Variants in NAALADL2 observed in about 807,000 individuals in gnomAD.
NAALADL2 encodes the protein inactive N-acetylated-alpha-linked acidic dipeptidase-like protein 2.
NAALADL2 carries 76 observed loss-of-function variants against 87.2 expected under a neutral mutation model. The observed-to-expected ratio is 0.87, with a 90% CI of 0.72 to 1.05. The LOEUF (loss-of-function observed/expected upper bound fraction) is 1.05, where lower values mean the gene tolerates loss of function less well. Ranked by LOEUF, NAALADL2 falls within the 50% of genes least tolerant of loss-of-function variation. NAALADL2 has a pLI of 0.00. For synonymous variants in NAALADL2, 354 were observed against 331.0 expected, an observed-to-expected ratio of 1.07 and a Z score of -0.75; for missense variants, 1,089 against 945.8, an observed-to-expected ratio of 1.15 and a Z score of -1.99.
At chr3:175,749,026 G>T (rs1464287521) in intron 12 of NAALADL2, among the ~76,000 whole-genome samples, 1 of 150,848 alleles carries the variant, frequency 6.6e-6, no homozygotes, top group Non-Finnish European at 1.5e-5. Context: ...AGGATCTCTT[G>T]AGCTCAGGAG....
At chr3:175,681,918 A>G (rs980391988) in intron 11 of NAALADL2, among the ~76,000 whole-genome samples, 4 of 152,156 alleles carry the variant, frequency 2.6e-5, no homozygotes, top group Non-Finnish European at 4.4e-5. Context: ...ACCTGTAACT[A>G]TAGTCTAAAT....
At chr3:174,578,980 C>T (rs1426205012) in intron 2 of NAALADL2, among the ~76,000 whole-genome samples, 3 of 151,804 alleles carry the variant, frequency 2.0e-5, no homozygotes, top group Non-Finnish European at 4.4e-5. Context: ...TTGTACATTT[C>T]ACAAAGAAAA....
chr3:174,936,990 T>C (rs9872009), intron 1 of NAALADL2, among the ~76,000 whole-genome samples: 53,452 of 151,874 alleles, frequency 0.35, 10,796 homozygotes, highest in African/African-American at 0.54. Context: ...TAGTGTCCTT[T>C]ACCTATAACT....
intron 5 of NAALADL2, among the ~76,000 whole-genome samples, chr3:175,329,234 T>C (rs1455182434): frequency 6.6e-6 from 1 of 152,226 alleles, no homozygotes; most frequent in East Asian, 1.9e-4. Context: ...CAATCCTTTT[T>C]TTCCTTTTTA....
intron 5 of NAALADL2, among the ~76,000 whole-genome samples, chr3:175,411,027 C>A (rs186041250): frequency 1.3e-5 from 2 of 152,074 alleles, no homozygotes; most frequent in Admixed American, 1.3e-4. Flanking sequence ...GACCATTAGA[C>A]GGGCAAAAGA....
rs554233126 is a variant in NAALADL2 at position 175,411,685 on chromosome 3, G to A, written c.1091-35544G>A. Among the ~76,000 whole-genome samples the A allele has an allele frequency of 7.9e-5, 12 of 152,242 alleles. No homozygotes were observed. In the South Asian group the frequency reaches 2.5e-3, roughly 32 times the overall value. Reference sequence around the variant, plus strand: ...TGGATGAACGGGGCAGAATATGACTGTGTCCATTTGAAATCCAGTCAGTCA... The same window carrying A: ...TGGATGAACGGGGCAGAATATGACTATGTCCATTTGAAATCCAGTCAGTCA... On this transcript the variant is annotated intron_variant, in intron 5 of 13. Coordinates refer to ENST00000454872, the MANE Select transcript of NAALADL2 (RefSeq NM_207015.3).
intron 9 of NAALADL2, among the ~76,000 whole-genome samples, chr3:175,511,557 C>T (rs142135981): frequency 4.6e-5 from 7 of 152,308 alleles, no homozygotes; most frequent in Non-Finnish European, 7.3e-5. Context: ...GACGACTAGT[C>T]TCCAAAACTG....
intron 3 of NAALADL2, among the ~76,000 whole-genome samples, chr3:174,817,849 C>T (rs941851513): frequency 1.3e-5 from 2 of 152,196 alleles, no homozygotes; most frequent in South Asian, 2.1e-4. Context: ...CTAGCTCACA[C>T]GTTTATCTTT....
At chr3:174,921,152 T>A (rs1379538865) in intron 1 of NAALADL2, among the ~76,000 whole-genome samples, 4 of 152,158 alleles carry the variant, frequency 2.6e-5, no homozygotes. Context: ...TGGAAAAAAA[T>A]GGCACTGATA....
At chr3:174,812,541 T>G (rs930009730) in intron 3 of NAALADL2, among the ~76,000 whole-genome samples, 7 of 152,212 alleles carry the variant, frequency 4.6e-5, no homozygotes, top group Non-Finnish European at 7.3e-5. Flanking sequence ...AGCGTATACT[T>G]CTTCTACTTA....
intron 13 of NAALADL2, among the ~76,000 whole-genome samples, chr3:175,802,797 TTC>T (rs1187344411): frequency 1.3e-5 from 2 of 152,034 alleles, no homozygotes; most frequent in Non-Finnish European, 2.9e-5. Context: ...TTCTGATCAT[TTC>T]TCTCTTTCTC....
intron 5 of NAALADL2, among the ~76,000 whole-genome samples, chr3:175,337,932 C>T (rs911631965): frequency 2.6e-5 from 4 of 152,124 alleles, no homozygotes; most frequent in Admixed American, 1.3e-4. Context: ...GTTAGTATAA[C>T]GAGTAAGAGC....
intron 1 of NAALADL2, among the ~76,000 whole-genome samples, chr3:174,985,086 A>G (rs1450039891): frequency 6.6e-6 from 1 of 152,210 alleles, no homozygotes; most frequent in Non-Finnish European, 1.5e-5. Context: ...ACTTCCATAC[A>G]GATGTGTCCT....
rs1724584292 is a variant in NAALADL2 at position 174,653,423 on chromosome 3, C to T, written c.-114-84218C>T. Among the ~76,000 whole-genome samples, 3 of 152,122 alleles carry T rather than the reference C, an allele frequency of 2.0e-5. No homozygotes were observed. The South Asian group carries it at 6.2e-4, about 31-fold the overall frequency. ...GTTTCTGTCTGGTTTTCTTTTAAAT[C>T]AGTAAAGCAGGCACTGGAGTGGAAT... On this transcript the variant is annotated intron_variant, in intron 2 of 3. Coordinates refer to the NAALADL2 transcript ENST00000434257.
chr3:175,129,519 T>G (rs1301231836), intron 2 of NAALADL2, among the ~76,000 whole-genome samples: 1 of 152,180 alleles, frequency 6.6e-6, no homozygotes, highest in Admixed American at 6.5e-5. Context: ...ATACTCTGCT[T>G]TTATGAATTT....
intron 3 of NAALADL2, among the ~76,000 whole-genome samples, chr3:174,745,228 C>A (rs1406127002): frequency 6.6e-6 from 1 of 151,860 alleles, no homozygotes; most frequent in African/African-American, 2.4e-5. Flanking sequence ...AGAGAAGAAT[C>A]AAATAGACAC....
At chr3:174,765,418 GTCT>G (rs1458650312) in intron 3 of NAALADL2, among the ~76,000 whole-genome samples, 1 of 152,124 alleles carries the variant, frequency 6.6e-6, no homozygotes, top group Non-Finnish European at 1.5e-5. Flanking sequence ...TAGCATTCTT[GTCT>G]TCTTATCATA....
intron 2 of NAALADL2, among the ~76,000 whole-genome samples, chr3:175,106,196 T>A (rs1723130482): frequency 6.7e-6 from 1 of 149,160 alleles, no homozygotes; most frequent in African/African-American, 2.5e-5. Flanking sequence ...TCATCTTTTT[T>A]ATTAAGTCTA....
At chr3:175,657,979 G>GA (rs1203650268) in intron 11 of NAALADL2, among the ~76,000 whole-genome samples, 1 of 150,740 alleles carries the variant, frequency 6.6e-6, no homozygotes, top group Non-Finnish European at 1.5e-5. Context: ...ATGTGAGAAG[G>GA]AAAAAAGAAT....
Sources: allele counts gnomAD v4.1 joint callset (sites outside exome capture counted in the v4.1 genomes callset), GRCh38; gene constraint gnomAD v4.1.1; transcripts MANE v1.5; gene names NCBI Gene and HGNC (gene_info 2026-07-23, HGNC 2026-07-21).